ERICH1: variants seen among roughly 807,000 people sequenced by gnomAD.
ERICH1 encodes glutamate rich 1.
ERICH1 carries 56 observed loss-of-function variants against 39.6 expected under a neutral mutation model. The observed-to-expected ratio is 1.41, with a 90% CI of 1.14 to 1.77. The LOEUF is 1.77. ERICH1 is among the 40% of genes most tolerant of loss of function. ERICH1 has a pLI of 0.00. For synonymous variants in ERICH1, 313 were observed against 223.6 expected, an observed-to-expected ratio of 1.40 and a Z score of -3.57; for missense variants, 826 against 575.4, an observed-to-expected ratio of 1.44 and a Z score of -4.45.
rs1245298002 is a variant in ERICH1, at chr8:673,389, G to GTCC, written c.960_962dup (p.Glu320dup). On this transcript the variant is annotated inframe_insertion, in exon 4 of 6. Transcript: ENST00000262109. ...CATCTTCCTCGCTGGCGTCTGCACC[G>GTCC]TCCTCCTCCCCGGAGTCTGCACCCT... The GTCC allele has an allele frequency of 1.9e-6, 3 of 1,613,108 alleles. No homozygotes were observed. Among genetic ancestry groups the GTCC allele is most frequent in the Non-Finnish European group, 2.5e-6 (3 of 1,179,794 alleles).
At chr8:708,322 C>A (rs1185270294) in intron 2 of ERICH1, among the ~76,000 whole-genome samples, 1 of 152,142 alleles carries the variant, frequency 6.6e-6, no homozygotes, top group Non-Finnish European at 1.5e-5. Context: ...TACGTCCACA[C>A]CAGGCCACAC....
intron 3 of ERICH1, among the ~76,000 whole-genome samples, chr8:684,638 G>A (rs117987568): frequency 0.012 from 1,771 of 152,140 alleles, 18 homozygotes; most frequent in Non-Finnish European, 0.019. Flanking sequence ...TGGGGATATC[G>A]GGGGAACCAG....
chr8:651,414 C>T (rs1263287368), intron 3 of ERICH1, among the ~76,000 whole-genome samples: 2 of 152,176 alleles, frequency 1.3e-5, no homozygotes, highest in South Asian at 2.1e-4. Flanking sequence ...ATCCCAGCTC[C>T]GGGGCACAGA....
chr8:616,924 A>C (rs199518342), intron 3 of ERICH1, among the ~76,000 whole-genome samples: 2 of 17,580 alleles, frequency 1.1e-4, no homozygotes, highest in Non-Finnish European at 1.6e-4. Flanking sequence ...GAGAGACAGA[A>C]AGAGACAGAG....
intron 1 of ERICH1, among the ~76,000 whole-genome samples, chr8:724,473 C>A (rs1818099681): frequency 6.6e-6 from 1 of 152,156 alleles, no homozygotes; most frequent in African/African-American, 2.4e-5. Context: ...TAAACACACC[C>A]AGCGGGATGC....
At position 647,839 on chromosome 8, in the gene ERICH1, G is replaced by A. The variant is rs1799553771; in HGVS notation, c.976+20759C>T. 3.0e-5 allele frequency among the ~76,000 whole-genome samples: 2 copies of A among 67,650 alleles called. 1 individual carries two copies. 44.4% of individuals were successfully genotyped at this position (67,650 alleles called of 152,430 possible). ...TCAGGGGAGATGGGGCCCTGCCCAC[G>A]GGGCCAGCTGGACTCTGAGTCTTTC... On this transcript the variant is annotated intron_variant, in intron 3 of 3. Transcript: ENST00000522706.
rs755945043 is a variant in ERICH1 at position 673,710 on chromosome 8, G to A, written c.642C>T (p.Ser214=). The part of the protein sequence containing the change: ...EACEEDGVDT[S]EEDPTLAGEE... The stretch of plus-strand genomic sequence containing the variant: ...CCCCGGCCAGTGTCGGGTCTTCCTC[G>A]CTGGTGTCCACACCATCCTCCTCAC... Residue 214 remains serine, a synonymous_variant, in exon 4 of 6, where the codon AGC becomes AGT. Transcript: ENST00000262109. The A allele has an allele frequency of 1.4e-5, 23 of 1,613,828 alleles. No individual in the cohort carries two copies. Among genetic ancestry groups the A allele is most frequent in the Admixed American group, 1.2e-4 (7 of 59,982 alleles).
intron 5 of ERICH1, 121 bp from the exon 6 acceptor site, chr8:664,797 T>C (rs1011358149): frequency 1.1e-5 from 8 of 714,838 alleles, no homozygotes; most frequent in African/African-American, 8.9e-5. Flanking sequence ...TCTAATAAAA[T>C]GCAACTTTGG....
intron 1 of ERICH1, among the ~76,000 whole-genome samples, chr8:726,110 A>G (rs1818569010): frequency 5.3e-5 from 8 of 152,182 alleles, no homozygotes. Flanking sequence ...GCCCCAACAG[A>G]GTCACCAGGC....
chr8:638,671 G>T (rs1270180119), intron 3 of ERICH1, among the ~76,000 whole-genome samples: 1 of 152,156 alleles, frequency 6.6e-6, no homozygotes, highest in East Asian at 1.9e-4. Flanking sequence ...AGTTGCTGTT[G>T]TGTCTCCTGC....
chr8:681,916 CCCACCACGCCTCGGT>C (rs1342800934), intron 3 of ERICH1, among the ~76,000 whole-genome samples: 1 of 152,146 alleles, frequency 6.6e-6, no homozygotes, highest in Non-Finnish European at 1.5e-5. Context: ...GGCTCCTCAC[CCCACCACGCCTCGGT>C]GACGTCTGAT....
At chr8:696,882 G>T (rs1349553403) in intron 2 of ERICH1, among the ~76,000 whole-genome samples, 46 of 81,380 alleles carry the variant, frequency 5.7e-4, no homozygotes, top group African/African-American at 1.4e-3. Flanking sequence ...CAGCCTGTGC[G>T]CGCTCCTCAC....
Position 629,941 on chromosome 8 carries a change from G to C in ERICH1, c.977-14657C>G, listed in dbSNP as rs190299109. Reference sequence around the variant, plus strand: ...ACACCCTCCCGTGACCACCCACACAGAGCTGACTCACACCCTCCTGTGACC... The same window carrying C: ...ACACCCTCCCGTGACCACCCACACACAGCTGACTCACACCCTCCTGTGACC... On this transcript the variant is annotated intron_variant, in intron 3 of 3. Transcript: ENST00000522706. 6.7e-3 allele frequency among the ~76,000 whole-genome samples: 847 copies of C among 126,104 alleles called. 56 individuals carry two copies. Among genetic ancestry groups the C allele is most frequent in the African/African-American group, 0.026 (790 of 30,554 alleles). 82.7% of individuals were successfully genotyped at this position (126,104 alleles called of 152,430 possible). A position where few individuals can be genotyped will look rare whatever the true frequency, so the allele number is the denominator to read the frequency against.
chr8:713,432 G>T (rs554418569), intron 2 of ERICH1, among the ~76,000 whole-genome samples: 82 of 152,260 alleles, frequency 5.4e-4, no homozygotes, highest in Non-Finnish European at 1.0e-3. Flanking sequence ...AGCCATATGG[G>T]AAAAATGTAG....
At position 673,984 on chromosome 8, in the gene ERICH1, A is replaced by G; in HGVS notation, c.368T>C (p.Phe123Ser). The change falls in exon 4 of 6, where the codon TTT becomes TCT. Residue 123 changes from phenylalanine to serine, a missense_variant. Coordinates refer to ENST00000262109, the MANE Select transcript of ERICH1 (RefSeq NM_207332.3). Reference sequence around the variant, plus strand: ...TATAAGAACATTATTGGGATTTTTAAATTTTTTCTTTGATTTATGCTTCCT... The same window carrying G: ...TATAAGAACATTATTGGGATTTTTAGATTTTTTCTTTGATTTATGCTTCCT... ...RIRKHKSKKK[F>S]KNPNNVLIEQ... is the part of the protein sequence containing the mutation. 3.8e-6 allele frequency: 6 copies of G among 1,588,904 alleles called. No homozygotes were observed. The highest frequency in any genetic ancestry group is 5.1e-6 in the Non-Finnish European group (6 of 1,174,994).
At chr8:722,213 T>G (rs1361513821) in intron 1 of ERICH1, among the ~76,000 whole-genome samples, 3 of 134,546 alleles carry the variant, frequency 2.2e-5, no homozygotes, top group Non-Finnish European at 3.2e-5. Flanking sequence ...GAGGACGGAG[T>G]GTTTAATGCC....
chr8:631,878 T>A (rs1798062916), intron 3 of ERICH1, among the ~76,000 whole-genome samples: 1 of 151,996 alleles, frequency 6.6e-6, no homozygotes, highest in African/African-American at 2.4e-5. Context: ...CTTTGCTCAG[T>A]CAATGCTGTA....
chr8:670,666 G>C (rs1803099051), intron 4 of ERICH1, among the ~76,000 whole-genome samples: 2 of 152,184 alleles, frequency 1.3e-5, no homozygotes, highest in South Asian at 2.1e-4. Context: ...TCTCTGTGTG[G>C]CTTCTCATCT....
Position 634,379 on chromosome 8 carries a change from C to T in ERICH1, c.977-19095G>A, listed in dbSNP as rs1041245660. Among the ~76,000 whole-genome samples the T allele has an allele frequency of 3.3e-5, 5 of 151,498 alleles. 1 individual carries two copies. Among genetic ancestry groups the T allele is most frequent in the South Asian group, 4.2e-4 (2 of 4,770 alleles). On this transcript the variant is annotated intron_variant, in intron 3 of 3. Transcript: ENST00000522706. ...GCTTGGAACCCTCGTGCACTGTTGGCGGGAATGTGAAATGGTGCAGCTACC... is the reference window on the plus strand; with the variant it reads ...GCTTGGAACCCTCGTGCACTGTTGGTGGGAATGTGAAATGGTGCAGCTACC...
Sources: gnomAD v4.1 joint callset for allele counts (sites outside exome capture counted in the v4.1 genomes callset) on GRCh38, gnomAD v4.1.1 for gene constraint, MANE v1.5 for transcripts, NCBI Gene and HGNC (gene_info 2026-07-23, HGNC 2026-07-21) for gene names.